Variants in PCDH9 observed in about 807,000 individuals in gnomAD.
PCDH9 encodes the protein protocadherin 9, also known as protocadherin-9.
Under a neutral mutation model 70.6 loss-of-function variants are expected in PCDH9, and 24 were observed. The ratio of observed to expected loss-of-function variants is 0.34; its 90% CI spans 0.25 to 0.48. PCDH9 has a LOEUF of 0.48. Ranked by LOEUF, PCDH9 falls within the 20% of genes least tolerant of loss-of-function variation. The pLI is 0.99. For missense variants in PCDH9, 1,281 were observed against 1,503.6 expected, an observed-to-expected ratio of 0.85 and a Z score of 2.45; for synonymous variants, 562 against 558.5, an observed-to-expected ratio of 1.01 and a Z score of -0.09.
At chr13:66,752,618 G>A (rs558206585) in intron 3 of PCDH9, among the ~76,000 whole-genome samples, 36 of 152,164 alleles carry the variant, frequency 2.4e-4, no homozygotes, top group Non-Finnish European at 4.7e-4. Flanking sequence ...ATTTTTAATG[G>A]AAGAGAAACC....
At chr13:67,131,140 T>C (rs977686493) in intron 2 of PCDH9, among the ~76,000 whole-genome samples, 1 of 152,196 alleles carries the variant, frequency 6.6e-6, no homozygotes, top group African/African-American at 2.4e-5. Context: ...ATGTTTACTT[T>C]ACTTATAGTT....
intron 4 of PCDH9, among the ~76,000 whole-genome samples, chr13:66,370,475 T>G (rs75487620): frequency 0.066 from 10,069 of 151,870 alleles, 436 homozygotes; most frequent in Non-Finnish European, 0.1. Context: ...GTTTCTTTGT[T>G]TGTTTTGTTT....
chr13:66,790,690 T>C (rs77005746), intron 3 of PCDH9, among the ~76,000 whole-genome samples: 8,436 of 152,090 alleles, frequency 0.055, 331 homozygotes, highest in Non-Finnish European at 0.088. Flanking sequence ...TGACATAAAT[T>C]GCCACCTGTC....
intron 2 of PCDH9, among the ~76,000 whole-genome samples, chr13:67,080,192 T>G (rs922317562): frequency 7.9e-5 from 12 of 152,320 alleles, no homozygotes; most frequent in Middle Eastern, 3.4e-3. Context: ...TTGGCAGAAT[T>G]TGGATTTTTC....
intron 4 of PCDH9, among the ~76,000 whole-genome samples, chr13:66,328,520 G>A (rs7981346): frequency 0.028 from 4,290 of 152,040 alleles, 209 homozygotes; most frequent in African/African-American, 0.098. Context: ...TTATGATCTA[G>A]CCTCCTTGTA....
At chr13:66,544,063 T>C (rs1396343966) in intron 4 of PCDH9, among the ~76,000 whole-genome samples, 1 of 152,180 alleles carries the variant, frequency 6.6e-6, no homozygotes, top group Non-Finnish European at 1.5e-5. Flanking sequence ...AAATGTACCA[T>C]CATTGAATTA....
intron 2 of PCDH9, chr13:67,213,358 T>C (rs1020579835): frequency 6.6e-6 from 1 of 150,634 alleles, no homozygotes; most frequent in Non-Finnish European, 1.5e-5. Flanking sequence ...CATGTATACA[T>C]ACTTGATGCC....
intron 3 of PCDH9, among the ~76,000 whole-genome samples, chr13:66,717,482 T>TAC (rs1315237621): frequency 5.8e-5 from 1 of 17,152 alleles, no homozygotes; most frequent in African/African-American, 1.8e-4. Flanking sequence ...AAAAAAAAAA[T>TAC]ATATATATAT....
chr13:66,636,621 G>A (rs943620617), intron 3 of PCDH9, among the ~76,000 whole-genome samples: 1 of 152,082 alleles, frequency 6.6e-6, no homozygotes, highest in African/African-American at 2.4e-5. Context: ...ATGATTTTAT[G>A]TATAGAGAAT....
intron 4 of PCDH9, among the ~76,000 whole-genome samples, chr13:66,559,695 G>T (rs1027411161): frequency 1.3e-5 from 2 of 150,504 alleles, no homozygotes; most frequent in African/African-American, 4.9e-5. Context: ...AGCTTCTCAG[G>T]AGGCTGAGGC....
At chr13:66,880,964 C>T (rs1045149647) in intron 3 of PCDH9, among the ~76,000 whole-genome samples, 1 of 152,196 alleles carries the variant, frequency 6.6e-6, no homozygotes, top group African/African-American at 2.4e-5. Flanking sequence ...CAAATTACTA[C>T]ACCTTTTACA....
chr13:67,015,831 G>A (rs2084550214), intron 2 of PCDH9, among the ~76,000 whole-genome samples: 1 of 152,064 alleles, frequency 6.6e-6, no homozygotes, highest in African/African-American at 2.4e-5. Context: ...ATGGCTCATT[G>A]TTCCTGTCAG....
At chr13:66,389,340 T>C (rs1593898877) in intron 4 of PCDH9, among the ~76,000 whole-genome samples, 1 of 152,170 alleles carries the variant, frequency 6.6e-6, no homozygotes, top group African/African-American at 2.4e-5. Context: ...TTTCCTTATA[T>C]TGGCTGCAGA....
chr13:66,813,897 A>G (rs2080556230), intron 3 of PCDH9, among the ~76,000 whole-genome samples: 1 of 152,180 alleles, frequency 6.6e-6, no homozygotes, highest in Admixed American at 6.5e-5. Context: ...GGTCAAGTTG[A>G]AAAATAGTAA....
At chr13:66,658,927 C>T (rs559410726) in intron 3 of PCDH9, among the ~76,000 whole-genome samples, 16 of 152,138 alleles carry the variant, frequency 1.1e-4, no homozygotes, top group African/African-American at 3.9e-4. Context: ...TTAGTGTCTT[C>T]TTTTTGCAAA....
chr13:66,821,387 G>A (rs1376033058), intron 3 of PCDH9, among the ~76,000 whole-genome samples: 1 of 152,080 alleles, frequency 6.6e-6, no homozygotes, highest in East Asian at 1.9e-4. Context: ...ACCTTACAGA[G>A]TAATAGGGTT....
intron 2 of PCDH9, chr13:67,002,136 T>C (rs2084257981): frequency 6.6e-6 from 1 of 152,194 alleles, no homozygotes; most frequent in Non-Finnish European, 1.5e-5. Context: ...AGATTCAAAA[T>C]ATTTGGTTTT....
intron 2 of PCDH9, among the ~76,000 whole-genome samples, chr13:66,983,818 G>GC (rs1555293816): frequency 1.3e-5 from 2 of 148,710 alleles, no homozygotes; most frequent in East Asian, 3.9e-4. Context: ...CGTTTTTTTT[G>GC]TTTTTTTTTG....
intron 3 of PCDH9, among the ~76,000 whole-genome samples, chr13:66,700,924 A>ATGTGTG (rs1491354666): frequency 8.8e-4 from 17 of 19,214 alleles, no homozygotes; most frequent in South Asian, 1.5e-3. Context: ...GTACATATAA[A>ATGTGTG]TATATATATA....
Sources: gnomAD v4.1 joint callset for allele counts (sites outside exome capture counted in the v4.1 genomes callset) on GRCh38, gnomAD v4.1.1 for gene constraint, MANE v1.5 for transcripts, NCBI Gene and HGNC (gene_info 2026-07-23, HGNC 2026-07-21) for gene names.